The following CEP112 variants were observed in gnomAD, a reference collection of about 807,000 sequenced individuals.
The protein encoded by CEP112 is centrosomal protein of 112 kDa.
A neutral mutation model predicts 153.0 loss-of-function variants in CEP112; 127 were observed. That is an observed-to-expected ratio of 0.83 (90% CI 0.72 to 0.96). CEP112 has a LOEUF of 0.96. Among genes scored for constraint, CEP112 ranks in the 40% least tolerant of loss-of-function variants. The pLI is 0.00. For synonymous variants in CEP112, 358 were observed against 374.4 expected (o/e 0.96, Z 0.51); for missense variants, 1,089 against 1,101.2 (o/e 0.99, Z 0.16).
At chr17:66,003,248 A>G (rs945327761) in intron 17 of CEP112, among the ~76,000 whole-genome samples, 1 of 152,234 alleles carries the variant, frequency 6.6e-6, no homozygotes, top group East Asian at 1.9e-4. Flanking sequence ...TTTAACTCCA[A>G]GCAAAATTCA....
intron 24 of CEP112, among the ~76,000 whole-genome samples, chr17:65,678,236 C>T (rs1438274353): frequency 6.6e-6 from 1 of 152,126 alleles, no homozygotes; most frequent in Admixed American, 6.5e-5. Context: ...GCTGTCAGAA[C>T]AGGAAGCCTT....
At chr17:66,188,587 T>TC (rs1491128921) in intron 1 of CEP112, among the ~76,000 whole-genome samples, 6 of 19,292 alleles carry the variant, frequency 3.1e-4, no homozygotes, top group Non-Finnish European at 1.2e-3. Flanking sequence ...TCATGCTGTT[T>TC]TTTTTTTTTT....
At chr17:66,005,523 G>A (rs994783969) in intron 17 of CEP112, among the ~76,000 whole-genome samples, 167 bp downstream of exon 17, 1 of 151,834 alleles carries the variant, frequency 6.6e-6, no homozygotes, top group Non-Finnish European at 1.5e-5. Context: ...AAAAATTACT[G>A]GCTAGTAATA....
intron 21 of CEP112, among the ~76,000 whole-genome samples, chr17:65,820,901 G>A (rs1444713042): frequency 1.3e-5 from 2 of 152,110 alleles, no homozygotes; most frequent in Non-Finnish European, 2.9e-5. Flanking sequence ...GATGTTTGAT[G>A]AGATATTTTC....
At chr17:66,024,768 A>C (rs34145560) in intron 16 of CEP112, among the ~76,000 whole-genome samples, 78,203 of 151,886 alleles carry the variant, frequency 0.51, 21,059 homozygotes, top group African/African-American at 0.59. Flanking sequence ...ATACCAATAT[A>C]ATTTTTCTCA....
intron 4 of CEP112, among the ~76,000 whole-genome samples, chr17:66,148,424 T>C (rs945281115): frequency 1.3e-5 from 2 of 152,188 alleles, no homozygotes; most frequent in Non-Finnish European, 2.9e-5. Context: ...AGAGATTGTA[T>C]GGCATCTGTA....
At chr17:65,878,908 A>C (rs1425934477) in intron 20 of CEP112, among the ~76,000 whole-genome samples, 1 of 152,162 alleles carries the variant, frequency 6.6e-6, no homozygotes, top group Non-Finnish European at 1.5e-5. Flanking sequence ...CCCCAGAATA[A>C]AGCCTCTCTT....
chr17:66,103,658 TAAG>T (rs35560578), intron 6 of CEP112, among the ~76,000 whole-genome samples: 55,637 of 151,734 alleles, frequency 0.37, 11,269 homozygotes, highest in Non-Finnish European at 0.46. Context: ...AGCACCTTCA[TAAG>T]AAGAAAAAAT....
At chr17:66,066,140 T>C (rs189644014) in intron 10 of CEP112, among the ~76,000 whole-genome samples, 1 of 152,154 alleles carries the variant, frequency 6.6e-6, no homozygotes. Context: ...CCTATTGATG[T>C]AGATGTTTCG....
intron 24 of CEP112, among the ~76,000 whole-genome samples, chr17:65,680,117 T>A (rs949747400): frequency 6.6e-6 from 1 of 152,086 alleles, no homozygotes; most frequent in African/African-American, 2.4e-5. Context: ...AGCAGAAAGG[T>A]GGGTGCCACG....
intron 20 of CEP112, among the ~76,000 whole-genome samples, chr17:65,855,816 C>T (rs1441437291): frequency 6.6e-6 from 1 of 152,180 alleles, no homozygotes; most frequent in East Asian, 1.9e-4. Flanking sequence ...GTAATCACAG[C>T]ACTTTGAGAG....
chr17:65,863,751 A>G (rs1228646423), intron 20 of CEP112, among the ~76,000 whole-genome samples: 5 of 150,238 alleles, frequency 3.3e-5, no homozygotes, highest in African/African-American at 1.2e-4. Context: ...CTCTGTCTCA[A>G]AAAAAAAAAG....
intron 8 of CEP112, among the ~76,000 whole-genome samples, chr17:66,084,270 A>T (rs2067833854): frequency 6.6e-6 from 1 of 152,198 alleles, no homozygotes; most frequent in Non-Finnish European, 1.5e-5. Flanking sequence ...TCAAAAGAAA[A>T]TAAAAATAGA....
At chr17:65,956,788 A>T (rs2062018677) in intron 18 of CEP112, among the ~76,000 whole-genome samples, 1 of 152,092 alleles carries the variant, frequency 6.6e-6, no homozygotes, top group Admixed American at 6.6e-5. Flanking sequence ...ATAAAAAAAT[A>T]AAAAATTTAA....
intron 21 of CEP112, among the ~76,000 whole-genome samples, chr17:65,839,290 C>T (rs2057430564): frequency 6.6e-6 from 1 of 151,956 alleles, no homozygotes; most frequent in African/African-American, 2.4e-5. Context: ...TTCAGCAACA[C>T]ATTAAAAAGA....
intron 4 of CEP112, among the ~76,000 whole-genome samples, chr17:66,140,682 G>A (rs940224902): frequency 5.9e-5 from 9 of 152,218 alleles, no homozygotes; most frequent in African/African-American, 1.9e-4. Flanking sequence ...TGCTCTTGTT[G>A]CCAAGGCTGG....
rs1193568165 is a variant in CEP112 at position 66,029,147 on chromosome 17, T to C, written c.1479A>G (p.Gln493=). The part of the protein sequence containing the change: ...KYDADINLLK[Q]EHALSASKAS... ...CCTTAGAAGCTGAAAGAGCATGTTC[T>C]TGTTTTAGAAGGTTTATATCAGCAT... Residue 493 remains glutamine, a synonymous_variant, in exon 14 of 27, where the codon CAA becomes CAG. Coordinates refer to ENST00000535342, the MANE Select transcript of CEP112 (RefSeq NM_001199165.4). 1.2e-6 allele frequency: 2 copies of C among 1,604,190 alleles called. No homozygotes were observed. Among genetic ancestry groups the C allele is most frequent in the Admixed American group, 3.4e-5 (2 of 59,264 alleles).
At chr17:65,693,848 C>G (rs2048237924) in intron 23 of CEP112, among the ~76,000 whole-genome samples, 1 of 152,118 alleles carries the variant, frequency 6.6e-6, no homozygotes, top group African/African-American at 2.4e-5. Context: ...GGGACTGGTG[C>G]CCTTCTAAAA....
chr17:65,848,017 G>T (rs577785966), intron 21 of CEP112, among the ~76,000 whole-genome samples: 5 of 152,256 alleles, frequency 3.3e-5, no homozygotes, highest in African/African-American at 1.2e-4. Context: ...GTCTGTGCTG[G>T]GGATGCCATT....
Sources: allele counts gnomAD v4.1 joint callset (sites outside exome capture counted in the v4.1 genomes callset), GRCh38; gene constraint gnomAD v4.1.1; transcripts MANE v1.5; gene names NCBI Gene and HGNC (gene_info 2026-07-23, HGNC 2026-07-21).